The following SGTB variants were observed in gnomAD, a reference collection of about 807,000 sequenced individuals.
SGTB encodes small glutamine rich tetratricopeptide repeat co-chaperone beta, also known as small glutamine-rich tetratricopeptide repeat-containing protein beta.
SGTB carries 19 observed loss-of-function variants against 43.9 expected under a neutral mutation model. The observed-to-expected ratio is 0.43, with a 90% CI of 0.30 to 0.63. The LOEUF is 0.63. Ranked by LOEUF, SGTB falls within the 30% of genes least tolerant of loss-of-function variation. SGTB has a pLI of 0.12. For synonymous variants in SGTB, 116 were observed against 117.3 expected, an observed-to-expected ratio of 0.99 and a Z score of 0.07; for missense variants, 304 against 358.9, an observed-to-expected ratio of 0.85 and a Z score of 1.24.
At chr5:65,716,820 T>G (rs13172007) in intron 2 of SGTB, among the ~76,000 whole-genome samples, 43,220 of 151,684 alleles carry the variant, frequency 0.28, 6,739 homozygotes, top group South Asian at 0.44. Context: ...ATTTGGGAAA[T>G]AGCATATAAA....
intron 5 of SGTB, among the ~76,000 whole-genome samples, chr5:65,689,045 C>T (rs1757552301): frequency 1.3e-5 from 2 of 151,960 alleles, no homozygotes; most frequent in South Asian, 2.1e-4. Flanking sequence ...CTCCTGACCT[C>T]GTGATCTGTC....
chr5:65,718,197 G>A (rs1449155721), intron 2 of SGTB, among the ~76,000 whole-genome samples: 2 of 152,128 alleles, frequency 1.3e-5, no homozygotes, highest in African/African-American at 2.4e-5. Flanking sequence ...CTGACATTTT[G>A]GATCAGGTAA....
rs1757117146 is a variant in SGTB at position 65,669,690 on chromosome 5, A to T, written c.*556T>A. 6.5e-6 allele frequency: 1 copy of T among 152,700 alleles called. No homozygotes were observed. Among genetic ancestry groups the T allele is most frequent in the Non-Finnish European group, 1.5e-5 (1 of 68,056 alleles). The allele number at this position is 152,700 out of a possible 1,614,324, so 9.5% of individuals were successfully genotyped here. A position where few individuals can be genotyped will look rare whatever the true frequency, so the allele number is the denominator to read the frequency against. On this transcript the variant is annotated 3_prime_UTR_variant, in exon 11 of 11. Transcript: ENST00000381007. ...AGATTCTCTGTTCACCAGAACAAGC[A>T]ACATTAAAGATAACATTGGTTCCCA... is the stretch of plus-strand genomic sequence containing the variant.
At chr5:65,676,158 T>C (rs1757260735) in intron 8 of SGTB, among the ~76,000 whole-genome samples, 2 of 151,514 alleles carry the variant, frequency 1.3e-5, no homozygotes, top group South Asian at 2.1e-4. Flanking sequence ...ACCAAGCAAA[T>C]GGAAAACAGA....
At position 65,685,450 on chromosome 5, in the gene SGTB, C is replaced by T; in HGVS notation, c.397G>A (p.Gly133Ser). Residue 133 changes from glycine (G) to serine (S), a missense_variant, in exon 6 of 11, where the codon GGT becomes AGT. Physicochemically the swap from Gly to Ser is moderately conservative, Grantham distance 56. Transcript: ENST00000381007. ...CNRAAAQSKL[G>S]HYTDAIKDCE... ...TCCTTTATCGCATCTGTGTAGTGACCTAATTTGCTCTGAGCAGCAGCCCTA... is the reference window on the plus strand; with the variant it reads ...TCCTTTATCGCATCTGTGTAGTGACTTAATTTGCTCTGAGCAGCAGCCCTA... 6.2e-7 allele frequency: 1 copy of T among 1,614,038 alleles called. No individual in the cohort carries two copies. Among genetic ancestry groups the T allele is most frequent in the Non-Finnish European group, 8.5e-7 (1 of 1,179,996 alleles).
intron 10 of SGTB, among the ~76,000 whole-genome samples, chr5:65,671,678 G>T (rs1329700199): frequency 2.6e-5 from 4 of 151,914 alleles, no homozygotes; most frequent in Non-Finnish European, 5.9e-5. Context: ...TAATAAACAT[G>T]GTTCTTTTTC....
intron 6 of SGTB, 40 bp downstream of exon 6, chr5:65,685,328 T>C (rs72766005): frequency 0.032 from 49,878 of 1,568,614 alleles, 970 homozygotes; most frequent in Non-Finnish European, 0.037. Flanking sequence ...GCATACCTGA[T>C]GCTACATGGT....
intron 8 of SGTB, 81 bp from the exon 9 acceptor site, chr5:65,672,362 G>T: frequency 6.4e-7 from 1 of 1,560,854 alleles, no homozygotes; most frequent in South Asian, 1.1e-5. Flanking sequence ...TTAGAAGAAT[G>T]AAAGCTAAAT....
intron 2 of SGTB, among the ~76,000 whole-genome samples, chr5:65,719,078 C>T (rs964256368): frequency 7.2e-5 from 11 of 152,166 alleles, no homozygotes; most frequent in African/African-American, 1.4e-4. Flanking sequence ...CAATGTTCTC[C>T]AACTGTGCAT....
chr5:65,679,930 T>C (rs74984235), intron 8 of SGTB, among the ~76,000 whole-genome samples: 5 of 152,204 alleles, frequency 3.3e-5, no homozygotes, highest in African/African-American at 1.2e-4. Context: ...CTATCAATGA[T>C]AGACTGGATA....
intron 3 of SGTB, among the ~76,000 whole-genome samples, chr5:65,710,766 C>T (rs532417849): frequency 3.8e-4 from 58 of 152,020 alleles, no homozygotes; most frequent in African/African-American, 9.6e-4. Context: ...CCAAGGCGGG[C>T]GGATCATGAG....
At chr5:65,715,526 G>A (rs1336442784) in intron 2 of SGTB, among the ~76,000 whole-genome samples, 1 of 152,234 alleles carries the variant, frequency 6.6e-6, no homozygotes, top group East Asian at 1.9e-4. Context: ...CCAACTAAGG[G>A]AAATGCCCGA....
At chr5:65,692,547 T>C (rs1012967958) in intron 5 of SGTB, among the ~76,000 whole-genome samples, 6 of 152,166 alleles carry the variant, frequency 3.9e-5, no homozygotes, top group African/African-American at 1.4e-4. Flanking sequence ...ATCCAGAATA[T>C]GGCTCATTCT....
intron 3 of SGTB, 106 bp from the exon 4 acceptor site, chr5:65,708,664 C>A: frequency 1.3e-6 from 1 of 789,584 alleles, no homozygotes. Context: ...TCATCTGTAA[C>A]TCCACATCAT....
intron 10 of SGTB, among the ~76,000 whole-genome samples, chr5:65,671,176 C>T (rs984216258): frequency 6.6e-6 from 1 of 152,132 alleles, no homozygotes; most frequent in African/African-American, 2.4e-5. Flanking sequence ...TCATCTGTGT[C>T]CCTGAGTAGT....
rs73099351 is a variant in SGTB, at chr5:65,719,049, A to G, written c.100+1659T>C. Among the ~76,000 whole-genome samples the G allele has an allele frequency of 8.4e-3, 1,279 of 152,334 alleles. 21 individuals are homozygous for G. The highest frequency in any genetic ancestry group is 0.03 in the African/African-American group (1,228 of 41,572). The stretch of plus-strand genomic sequence containing the variant: ...CATCAAGGAGAACAAAAAGACCTTA[A>G]TATTAAATGGACTGATTGCAATGTT... On this transcript the variant is annotated intron_variant, in intron 2 of 10. Coordinates refer to ENST00000381007, the MANE Select transcript of SGTB (RefSeq NM_019072.3).
intron 6 of SGTB, 83 bp from the exon 7 acceptor site, chr5:65,680,877 T>C: frequency 7.1e-7 from 1 of 1,417,284 alleles, no homozygotes; most frequent in Non-Finnish European, 9.6e-7. Flanking sequence ...CGTCTGTCTG[T>C]CTTGGTATTC....
At chr5:65,709,320 A>AGCCT (rs1372824947) in intron 3 of SGTB, among the ~76,000 whole-genome samples, 3 of 152,076 alleles carry the variant, frequency 2.0e-5, no homozygotes, top group African/African-American at 7.2e-5. Context: ...CATTAAAAAC[A>AGCCT]GCCTGGAAAG....
Position 65,704,378 on chromosome 5 carries a change from C to A in SGTB, c.275G>T (p.Gly92Val). The change falls in exon 5 of 11, where the codon GGC (glycine) becomes GTC (valine). Residue 92 changes from glycine to valine, a missense_variant and splice_region_variant. Transcript: ENST00000381007. ...VGKADQLKDE[G>V]NNHMKEENYA... Reference sequence around the variant, plus strand: ...ATTTTCTTCTTTCATGTGGTTATTGCCTAAAATAAAGTAACCAGTATGTAC... The same window carrying A: ...ATTTTCTTCTTTCATGTGGTTATTGACTAAAATAAAGTAACCAGTATGTAC... 6.2e-7 allele frequency: 1 copy of A among 1,608,462 alleles called. No individual in the cohort carries two copies. Among genetic ancestry groups the A allele is most frequent in the Non-Finnish European group, 8.5e-7 (1 of 1,176,842 alleles).
Sources: allele counts gnomAD v4.1 joint callset (sites outside exome capture counted in the v4.1 genomes callset), GRCh38; gene constraint gnomAD v4.1.1; transcripts MANE v1.5; gene names NCBI Gene and HGNC (gene_info 2026-07-23, HGNC 2026-07-21).